ERBB4: variants seen among roughly 807,000 people sequenced by gnomAD.
The protein encoded by ERBB4 is receptor tyrosine-protein kinase erbB-4.
In ERBB4, 42 loss-of-function variants were observed where a neutral mutation model predicts 158.0. The ratio of observed to expected loss-of-function variants is 0.27; its 90% CI spans 0.21 to 0.34. The LOEUF is 0.34. ERBB4 is among the 10% of genes least tolerant of loss of function. The pLI, the probability that ERBB4 is intolerant of heterozygous loss-of-function variation, is 1.00. For synonymous variants in ERBB4, 583 were observed against 558.7 expected (o/e 1.04, Z -0.61); for missense variants, 1,333 against 1,624.1 (o/e 0.82, Z 3.08).
chr2:212,051,492 A>G (rs1037992270), intron 2 of ERBB4, among the ~76,000 whole-genome samples: 1 of 152,178 alleles, frequency 6.6e-6, no homozygotes, highest in African/African-American at 2.4e-5. Context: ...AGCAATTTTC[A>G]TAATATAATA....
At chr2:212,426,723 G>T (rs574221525) in intron 1 of ERBB4, among the ~76,000 whole-genome samples, 1 of 151,950 alleles carries the variant, frequency 6.6e-6, no homozygotes, top group Non-Finnish European at 1.5e-5. Context: ...CCCTTTTGAA[G>T]TAAAGCCTAT....
Position 211,377,306 on chromosome 2 carries a change from G to A in ERBB4, c.*6309C>T, listed in dbSNP as rs181341485. Reference sequence around the variant, plus strand: ...GGCCTGGGGGAAATATCTACGCATTGGGGATAAAAATAGCAGTAAAGGCAA... The same window carrying A: ...GGCCTGGGGGAAATATCTACGCATTAGGGATAAAAATAGCAGTAAAGGCAA... On this transcript the variant is annotated 3_prime_UTR_variant, in exon 28 of 28. Transcript: ENST00000342788. The A allele has an allele frequency of 7.3e-3, 1,706 of 233,210 alleles. 20 individuals are homozygous for A. The highest frequency in any genetic ancestry group is 0.019 in the South Asian group (105 of 5,530). 14.4% of individuals were successfully genotyped at this position (233,210 alleles called of 1,614,324 possible).
rs558261254 is a variant in ERBB4, at chr2:211,601,542, G to A, written c.2301+17635C>T. ...TTGCTTGGAAATTTTGGAAATACCA[G>A]ACAGGAGAAAAGATCCCCAAATATT... On this transcript the variant is annotated intron_variant, in intron 19 of 27. Coordinates refer to ENST00000342788, the MANE Select transcript of ERBB4 (RefSeq NM_005235.3). 5.9e-5 allele frequency among the ~76,000 whole-genome samples: 9 copies of A among 151,366 alleles called. No individual in the cohort carries two copies. The South Asian group carries it at 1.9e-3, about 32-fold the overall frequency.
chr2:212,160,245 C>G lies in ERBB4; in HGVS notation c.83-35342G>C, dbSNP rs190374718. On this transcript the variant is annotated intron_variant, in intron 1 of 27. Transcript: ENST00000342788. ...CCTGGATTGGATGCTTCAGGCTTGT[C>G]CCCTTGCTTGCAGGAGCCTGTATGA... Among the ~76,000 whole-genome samples, 410 of 152,050 alleles carry G rather than the reference C, an allele frequency of 2.7e-3. 1 individual carries two copies. The highest frequency in any genetic ancestry group is 3.4e-3 in the Non-Finnish European group (229 of 67,908).
At chr2:211,533,719 C>T (rs2066567019) in intron 20 of ERBB4, among the ~76,000 whole-genome samples, 1 of 151,900 alleles carries the variant, frequency 6.6e-6, no homozygotes, top group South Asian at 2.1e-4. Flanking sequence ...ATTTCCCAAC[C>T]TTCAGGTACT....
chr2:212,362,636 C>T (rs948918120), intron 1 of ERBB4, among the ~76,000 whole-genome samples: 1 of 150,750 alleles, frequency 6.6e-6, no homozygotes, highest in African/African-American at 2.4e-5. Flanking sequence ...TATAAATTGC[C>T]ATATTTCAGA....
intron 1 of ERBB4, among the ~76,000 whole-genome samples, chr2:212,372,920 A>C (rs774303358): frequency 3.7e-4 from 56 of 152,202 alleles, no homozygotes; most frequent in Admixed American, 1.4e-3. Context: ...CTCTCAAGAC[A>C]AGATTAAAAC....
intron 3 of ERBB4, among the ~76,000 whole-genome samples, chr2:211,844,720 C>A (rs1293306451): frequency 6.6e-6 from 1 of 152,130 alleles, no homozygotes; most frequent in Non-Finnish European, 1.5e-5. Flanking sequence ...TGGCTGCATT[C>A]ACAATAATGG....
At position 211,757,310 on chromosome 2, in the gene ERBB4, G is replaced by A. The variant is rs542233888; in HGVS notation, c.557-6606C>T. Among the ~76,000 whole-genome samples the A allele has an allele frequency of 3.9e-5, 6 of 152,184 alleles. No homozygotes were observed. In the East Asian group the frequency reaches 9.7e-4, roughly 25 times the overall value. On this transcript the variant is annotated intron_variant, in intron 4 of 27. Transcript: ENST00000342788. ...CATCTTGATACAAAAAGATGGGCAG[G>A]TATTCTTCCTTGCTAAAAAATATGA...
chr2:211,539,336 G>A (rs1338421576), intron 20 of ERBB4, among the ~76,000 whole-genome samples: 2 of 151,862 alleles, frequency 1.3e-5, no homozygotes, highest in African/African-American at 4.8e-5. Context: ...TCCATCAATT[G>A]TAAAAACTTT....
intron 2 of ERBB4, among the ~76,000 whole-genome samples, chr2:212,033,627 A>C (rs1317607534): frequency 6.6e-6 from 1 of 151,856 alleles, no homozygotes; most frequent in Non-Finnish European, 1.5e-5. Flanking sequence ...AAATTGTAAA[A>C]ATTGTACATA....
At chr2:212,402,898 T>C (rs1395568607) in intron 1 of ERBB4, among the ~76,000 whole-genome samples, 1 of 152,120 alleles carries the variant, frequency 6.6e-6, no homozygotes, top group African/African-American at 2.4e-5. Context: ...TTTTGTTTCA[T>C]TCAACTTTTA....
rs2062528168 is a variant in ERBB4, at chr2:211,378,962, G to GAAGTT, written c.*4648_*4652dup. 4 of 231,522 alleles carry GAAGTT rather than the reference G, an allele frequency of 1.7e-5. No homozygotes were observed. The South Asian group carries it at 5.4e-4, about 32-fold the overall frequency. The allele number at this position is 231,522 out of a possible 1,614,324, so 14.3% of individuals were successfully genotyped here. A position where few individuals can be genotyped will look rare whatever the true frequency, so the allele number is the denominator to read the frequency against. On this transcript the variant is annotated 3_prime_UTR_variant, in exon 28 of 28. Transcript: ENST00000342788. ...GATCCTCTGCCCACAGTATACAGTA[G>GAAGTT]AAGTTAATTTATCTGGTTTTTTTAA...
At chr2:211,501,928 C>T (rs58650197) in intron 20 of ERBB4, among the ~76,000 whole-genome samples, 1,907 of 152,172 alleles carry the variant, frequency 0.013, 48 homozygotes, top group African/African-American at 0.043. Context: ...CATTTATTAA[C>T]GACTTGGCTA....
intron 1 of ERBB4, among the ~76,000 whole-genome samples, chr2:212,209,341 G>T (rs1282261180): frequency 6.6e-6 from 1 of 152,078 alleles, no homozygotes; most frequent in Non-Finnish European, 1.5e-5. Flanking sequence ...GATAGGCAAA[G>T]AAATTAAGTT....
chr2:212,031,388 A>G (rs1276443067), intron 2 of ERBB4, among the ~76,000 whole-genome samples: 1 of 152,152 alleles, frequency 6.6e-6, no homozygotes, highest in East Asian at 1.9e-4. Context: ...CATATATTAG[A>G]AATTAGAAAA....
intron 1 of ERBB4, among the ~76,000 whole-genome samples, chr2:212,253,732 T>TAGTTAAGTAGTTAAGTAA (rs1314298080): frequency 6.6e-6 from 1 of 152,200 alleles, no homozygotes; most frequent in African/African-American, 2.4e-5. Flanking sequence ...GTTAAAAAGT[T>TAGTTAAGTAGTTAAGTAA]AGTTAAGTAG....
Position 211,383,533 on chromosome 2 carries a change from G to T in ERBB4, c.*82C>A. The T allele has an allele frequency of 8.5e-7, 1 of 1,179,322 alleles. No homozygotes were observed. Among genetic ancestry groups the T allele is most frequent in the Non-Finnish European group, 1.3e-6 (1 of 790,366 alleles). 73.1% of individuals were successfully genotyped at this position (1,179,322 alleles called of 1,614,324 possible). On this transcript the variant is annotated 3_prime_UTR_variant, in exon 28 of 28. Transcript: ENST00000342788. ...TGTCAAAACTACTGGCCTTGGGGTA[G>T]AAGGAAGACCACCAGAGAAAGAGAG...
At chr2:212,081,754 T>C (rs1476240979) in intron 2 of ERBB4, among the ~76,000 whole-genome samples, 1 of 152,148 alleles carries the variant, frequency 6.6e-6, no homozygotes, top group African/African-American at 2.4e-5. Context: ...GCCCCCTTTG[T>C]GTTCTTGAAG....
Sources: allele counts gnomAD v4.1 joint callset (sites outside exome capture counted in the v4.1 genomes callset), GRCh38; gene constraint gnomAD v4.1.1; transcripts MANE v1.5; gene names NCBI Gene and HGNC (gene_info 2026-07-23, HGNC 2026-07-21).